The following TMEM200A variants were observed in gnomAD, a reference collection of about 807,000 sequenced individuals.
The protein encoded by TMEM200A is transmembrane protein 200A, also known as two transmembrane C.
A neutral mutation model predicts 24.3 loss-of-function variants in TMEM200A; 12 were observed. That is an observed-to-expected ratio of 0.49 (90% CI 0.32 to 0.80). TMEM200A has a LOEUF of 0.80. TMEM200A is among the 30% of genes least tolerant of loss of function. The pLI, the probability that TMEM200A is intolerant of heterozygous loss-of-function variation, is 0.04. For missense variants in TMEM200A, 545 were observed against 614.4 expected (o/e 0.89, Z 1.19); for synonymous variants, 224 against 224.4 (o/e 1.00, Z 0.02).
chr6:130,408,430 C>G (rs1233933675), intron 2 of TMEM200A, among the ~76,000 whole-genome samples: 1 of 152,180 alleles, frequency 6.6e-6, no homozygotes, highest in Non-Finnish European at 1.5e-5. Context: ...TCCTTATCTA[C>G]TTTCCAAAAT....
intron 1 of TMEM200A, among the ~76,000 whole-genome samples, chr6:130,379,540 AC>A (rs1296345226): frequency 6.6e-6 from 1 of 152,202 alleles, no homozygotes; most frequent in African/African-American, 2.4e-5. Context: ...GGTCCCATCT[AC>A]AAAAAATGGT....
Position 130,440,479 on chromosome 6 carries a change from T to C in TMEM200A, c.57T>C (p.Ser19=), listed in dbSNP as rs1164655219. 1 of 1,612,762 alleles carries C rather than the reference T, an allele frequency of 6.2e-7. No individual in the cohort carries two copies. Among genetic ancestry groups the C allele is most frequent in the Admixed American group, 1.7e-5 (1 of 59,826 alleles). The change falls in exon 3 of 3, where the codon TCT becomes TCC. Residue 19 remains serine (S), a synonymous_variant. Transcript: ENST00000296978. The stretch of plus-strand genomic sequence containing the variant: ...TGGCCGCCTTGAAAAGGCAAGACTC[T>C]GCCAGATCACAGCAGCATGTCAACC... The part of the protein sequence containing the change: ...TGLAALKRQD[S]ARSQQHVNLS...
intron 1 of TMEM200A, among the ~76,000 whole-genome samples, chr6:130,379,527 A>G (rs1461461805): frequency 6.6e-6 from 1 of 152,212 alleles, no homozygotes. Flanking sequence ...ATGCCTCTCC[A>G]TGGGTCCCAT....
chr6:130,381,785 T>C, intron 1 of TMEM200A: 1 of 338,580 alleles, frequency 3.0e-6, no homozygotes, highest in Non-Finnish European at 4.2e-6. Flanking sequence ...AAAATTCAAG[T>C]CTAGGAAGCA....
Position 130,442,020 on chromosome 6 carries a change from G to T in TMEM200A, c.*122G>T, listed in dbSNP as rs770319766. ...AAATGGTTTGTAGTGTATTAGAATT[G>T]GCTGCTTAGTTCTGTAATGAAGATG... is the stretch of plus-strand genomic sequence containing the variant. On this transcript the variant is annotated 3_prime_UTR_variant, in exon 3 of 3. Coordinates refer to ENST00000296978, the MANE Select transcript of TMEM200A (RefSeq NM_001258277.2). 111 of 1,003,464 alleles carry T rather than the reference G, an allele frequency of 1.1e-4. No individual in the cohort carries two copies. The highest frequency in any genetic ancestry group is 1.4e-4 in the Non-Finnish European group (101 of 696,774). The allele number at this position is 1,003,464 out of a possible 1,614,324, so 62.2% of individuals were successfully genotyped here. A position where few individuals can be genotyped will look rare whatever the true frequency, so the allele number is the denominator to read the frequency against.
intron 2 of TMEM200A, among the ~76,000 whole-genome samples, chr6:130,422,060 C>T (rs765944913): frequency 1.8e-4 from 27 of 152,152 alleles, no homozygotes; most frequent in Non-Finnish European, 2.5e-4. Flanking sequence ...TTTATTTCTT[C>T]GGATAAATAC....
At chr6:130,387,528 C>G (rs772611200) in intron 2 of TMEM200A, among the ~76,000 whole-genome samples, 7 of 152,230 alleles carry the variant, frequency 4.6e-5, no homozygotes, top group Non-Finnish European at 1.0e-4. Flanking sequence ...CTGCCTCGGC[C>G]TCCCAAAGTG....
At chr6:130,396,046 T>C (rs1436954594) in intron 2 of TMEM200A, among the ~76,000 whole-genome samples, 1 of 152,204 alleles carries the variant, frequency 6.6e-6, no homozygotes, top group Non-Finnish European at 1.5e-5. Context: ...AGACATACTT[T>C]AGTTATAAAC....
chr6:130,397,396 A>G (rs1283145156), intron 2 of TMEM200A, among the ~76,000 whole-genome samples: 2 of 152,042 alleles, frequency 1.3e-5, no homozygotes, highest in Admixed American at 6.6e-5. Flanking sequence ...TTTGCTTTCT[A>G]TATTTTAAAC....
At chr6:130,439,256 G>A (rs1780096438) in intron 2 of TMEM200A, 1 of 152,140 alleles carries the variant, frequency 6.6e-6, no homozygotes, top group East Asian at 1.9e-4. Flanking sequence ...ATATGGTCTA[G>A]TAAAAGTTAA....
intron 2 of TMEM200A, among the ~76,000 whole-genome samples, chr6:130,393,259 C>T (rs1046608911): frequency 7.9e-5 from 12 of 152,100 alleles, no homozygotes; most frequent in Admixed American, 2.0e-4. Context: ...TTAAGTCATG[C>T]TGTCTTCTTT....
intron 2 of TMEM200A, among the ~76,000 whole-genome samples, chr6:130,432,266 T>C (rs1779895111): frequency 6.6e-6 from 1 of 152,218 alleles, no homozygotes; most frequent in South Asian, 2.1e-4. Context: ...TCCAATTGCA[T>C]CACGAAGTTA....
At chr6:130,397,049 A>C (rs1037400211) in intron 2 of TMEM200A, among the ~76,000 whole-genome samples, 2 of 152,196 alleles carry the variant, frequency 1.3e-5, no homozygotes, top group Admixed American at 6.5e-5. Flanking sequence ...ACATTTTGTC[A>C]TTAAATATAT....
rs1280765215 is a variant in TMEM200A at position 130,440,693 on chromosome 6, A to G, written c.271A>G (p.Ile91Val). The G allele has an allele frequency of 6.2e-7, 1 of 1,614,096 alleles. No individual in the cohort carries two copies. The highest frequency in any genetic ancestry group is 8.5e-7 in the Non-Finnish European group (1 of 1,179,964). The change falls in exon 3 of 3, where the codon ATT (isoleucine) becomes GTT (valine). Residue 91 changes from isoleucine (I) to valine (V), a missense_variant. Physicochemically the swap from Ile to Val is conservative, Grantham distance 29. Transcript: ENST00000296978. Reference protein sequence around the residue: ...LGYWPQKEHFIDAETTLSTNE... With the variant: ...LGYWPQKEHFVDAETTLSTNE... Reference sequence around the variant, plus strand: ...ATATTGGCCCCAAAAAGAACATTTTATTGATGCTGAAACAACACTGTCAAC... The same window carrying G: ...ATATTGGCCCCAAAAAGAACATTTTGTTGATGCTGAAACAACACTGTCAAC...
intron 2 of TMEM200A, among the ~76,000 whole-genome samples, chr6:130,422,930 A>G (rs1473608053): frequency 6.6e-6 from 1 of 152,210 alleles, no homozygotes; most frequent in Non-Finnish European, 1.5e-5. Flanking sequence ...TAATGTATCT[A>G]TAATTTTGAC....
At chr6:130,386,758 G>A (rs73611680) in intron 2 of TMEM200A, among the ~76,000 whole-genome samples, 13,069 of 152,094 alleles carry the variant, frequency 0.086, 1,311 homozygotes, top group African/African-American at 0.24. Context: ...ATGTCGTTTC[G>A]ACAGATAGGA....
intron 2 of TMEM200A, among the ~76,000 whole-genome samples, chr6:130,440,059 G>T (rs898624042): frequency 7.3e-6 from 1 of 136,660 alleles, no homozygotes; most frequent in African/African-American, 2.5e-5. Flanking sequence ...AGAGAGAGAA[G>T]AGAAAGAGTG....
chr6:130,377,768 C>T (rs553097884), intron 1 of TMEM200A, among the ~76,000 whole-genome samples: 1 of 152,266 alleles, frequency 6.6e-6, no homozygotes, highest in East Asian at 1.9e-4. Context: ...AACAAAGTTC[C>T]TGTCTTTATG....
intron 2 of TMEM200A, among the ~76,000 whole-genome samples, chr6:130,420,621 A>G (rs946714184): frequency 5.3e-5 from 8 of 152,158 alleles, no homozygotes; most frequent in Non-Finnish European, 7.4e-5. Context: ...TGGCACTTTC[A>G]TCTTAAATAT....
Sources: gnomAD v4.1 joint callset for allele counts (sites outside exome capture counted in the v4.1 genomes callset) on GRCh38, gnomAD v4.1.1 for gene constraint, MANE v1.5 for transcripts, NCBI Gene and HGNC (gene_info 2026-07-23, HGNC 2026-07-21) for gene names.